Variants in SPATA21 observed in about 807,000 individuals in gnomAD.
The protein encoded by SPATA21 is spermatogenesis associated 21.
A neutral mutation model predicts 54.8 loss-of-function variants in SPATA21; 47 were observed. The ratio of observed to expected loss-of-function variants is 0.86; its 90% CI spans 0.68 to 1.09. The LOEUF (loss-of-function observed/expected upper bound fraction) is 1.09, where lower values mean the gene tolerates loss of function less well. SPATA21 is among the 50% of genes least tolerant of loss of function. The pLI is 0.00. For missense variants in SPATA21, 599 were observed against 596.4 expected (o/e 1.00, Z -0.05); for synonymous variants, 245 against 235.3 (o/e 1.04, Z -0.38).
At chr1:16,408,005 G>A (rs960391495) in intron 7 of SPATA21, among the ~76,000 whole-genome samples, 2 of 145,406 alleles carry the variant, frequency 1.4e-5, no homozygotes, top group East Asian at 2.3e-4. Context: ...GGCCTCAAGC[G>A]ATCCTCCTGC....
rs1570131987 is a variant in SPATA21 at position 16,410,022 on chromosome 1, T to C, written c.166A>G (p.Arg56Gly). The C allele has an allele frequency of 1.9e-6, 3 of 1,572,464 alleles. No homozygotes were observed. The highest frequency in any genetic ancestry group is 2.6e-6 in the Non-Finnish European group (3 of 1,162,326). The stretch of plus-strand genomic sequence containing the variant: ...TGCTGCGCACGGTCTGGCTCCCGCC[T>C]CTCTCCAATGTCCCTCACCTCCTGG... ...PPPEVRDIGE[R>G]REPDRAQQQP... The change falls in exon 6 of 13, where the codon AGG (arginine) becomes GGG (glycine). Residue 56 changes from arginine (R) to glycine (G), a missense_variant. Coordinates refer to ENST00000335496, the MANE Select transcript of SPATA21 (RefSeq NM_198546.1).
chr1:16,399,351 CT>C lies in SPATA21; in HGVS notation c.1344del (p.Gly449GlufsTer27). 1.9e-6 allele frequency: 3 copies of C among 1,611,722 alleles called. No homozygotes were observed. Among genetic ancestry groups the C allele is most frequent in the Non-Finnish European group, 2.5e-6 (3 of 1,178,704 alleles). Reference protein sequence around the residue: ...IRSPFFQSGSQGNREHNSDSR... With the variant: ...IRSPFFQSGSXGNREHNSDSR... ...CTTTCTCTGGGCACCCACCTGTTTCCTTGAGATCCTGACTGGAAGAAGGGGC... is the reference window on the plus strand; with the variant it reads ...CTTTCTCTGGGCACCCACCTGTTTCCTGAGATCCTGACTGGAAGAAGGGGC... On this transcript the variant is annotated frameshift_variant, in exon 12 of 13. Coordinates refer to ENST00000335496, the MANE Select transcript of SPATA21 (RefSeq NM_198546.1). LOFTEE classifies it high-confidence loss of function.
intron 3 of SPATA21, among the ~76,000 whole-genome samples, chr1:16,427,657 A>T (rs78249241): frequency 0.047 from 7,207 of 152,186 alleles, 254 homozygotes; most frequent in Non-Finnish European, 0.072. Context: ...GACACATAAA[A>T]GATGTTTGTG....
At chr1:16,433,565 T>C (rs1178420505) in intron 1 of SPATA21, among the ~76,000 whole-genome samples, 1 of 152,194 alleles carries the variant, frequency 6.6e-6, no homozygotes, top group Non-Finnish European at 1.5e-5. Flanking sequence ...CACCCCCTAT[T>C]GTCCACTGTC....
At chr1:16,414,178 G>A (rs1012263834) in intron 5 of SPATA21, among the ~76,000 whole-genome samples, 2 of 151,946 alleles carry the variant, frequency 1.3e-5, no homozygotes, top group Non-Finnish European at 2.9e-5. Context: ...TGATTCTCGT[G>A]CCTCAGCCTC....
chr1:16,417,547 T>C (rs2100846393), intron 5 of SPATA21, among the ~76,000 whole-genome samples: 1 of 151,748 alleles, frequency 6.6e-6, no homozygotes, highest in Non-Finnish European at 1.5e-5. Context: ...CAAGCGATTC[T>C]CTCTTGAATA....
Position 16,409,319 on chromosome 1 carries a change from C to T in SPATA21, c.588-116G>A. ...GGTCGTGGGGGAGGCTTTGGGGAGC[C>T]CGGAGAGATCAAGAATGGCAGGAAA... is the stretch of plus-strand genomic sequence containing the variant. On this transcript the variant is annotated intron_variant, in intron 6 of 12. Coordinates refer to ENST00000335496, the MANE Select transcript of SPATA21 (RefSeq NM_198546.1). This position sits in a 1 kb window ranked among gnomAD's most constrained non-coding sequence, Gnocchi z 4.1. 9.1e-7 allele frequency: 1 copy of T among 1,103,504 alleles called. No individual in the cohort carries two copies. The highest frequency in any genetic ancestry group is 1.3e-6 in the Non-Finnish European group (1 of 756,258). The allele number at this position is 1,103,504 out of a possible 1,614,324, so 68.4% of individuals were successfully genotyped here. A position where few individuals can be genotyped will look rare whatever the true frequency, so the allele number is the denominator to read the frequency against.
intron 3 of SPATA21, among the ~76,000 whole-genome samples, chr1:16,422,513 T>A (rs1166054533): frequency 6.6e-6 from 1 of 150,912 alleles, no homozygotes; most frequent in Non-Finnish European, 1.5e-5. Context: ...GTGTGTATTT[T>A]TTTTTTTTTT....
downstream of SPATA21, chr1:16,395,840 C>T (rs542912730): frequency 2.4e-4 from 37 of 153,968 alleles, no homozygotes; most frequent in Non-Finnish European, 4.6e-4. Context: ...CTGCAGCCGC[C>T]AGGACAGACG....
chr1:16,407,737 T>C (rs554115545), intron 7 of SPATA21, among the ~76,000 whole-genome samples: 4 of 150,764 alleles, frequency 2.7e-5, no homozygotes, highest in Admixed American at 1.3e-4. Context: ...GGATTACAGG[T>C]GTGAACCACT....
At chr1:16,414,040 G>A (rs952330940) in intron 5 of SPATA21, among the ~76,000 whole-genome samples, 5 of 151,570 alleles carry the variant, frequency 3.3e-5, no homozygotes, top group South Asian at 2.1e-4. Context: ...TATAGCAGTC[G>A]TCCTGATGAG....
At chr1:16,405,511 A>AAAAAAAAC (rs1557647477) in intron 7 of SPATA21, among the ~76,000 whole-genome samples, 1 of 147,368 alleles carries the variant, frequency 6.8e-6, no homozygotes, top group Non-Finnish European at 1.5e-5. Flanking sequence ...AAAAAAAAAA[A>AAAAAAAAC]AAAACTGGGC....
chr1:16,429,545 G>A (rs557622804), intron 3 of SPATA21, among the ~76,000 whole-genome samples: 10 of 152,112 alleles, frequency 6.6e-5, no homozygotes, highest in African/African-American at 2.4e-4. Flanking sequence ...TGCAATCTCC[G>A]CTCACCGCAA....
rs538270452 is a variant in SPATA21 at position 16,427,752 on chromosome 1, C to T, written c.34+3586G>A. The T allele has an allele frequency of 1.9e-4, 222 of 1,187,030 alleles. 1 individual carries two copies. In the African/African-American group the frequency reaches 2.8e-3, roughly 15 times the overall value. 73.5% of individuals were successfully genotyped at this position (1,187,030 alleles called of 1,614,324 possible). A position where few individuals can be genotyped will look rare whatever the true frequency, so the allele number is the denominator to read the frequency against. The stretch of plus-strand genomic sequence containing the variant: ...ATGAAAGAGAAGGACAAGGTGCTGT[C>T]GTGGGTGGAGCTGCCTTGGCCTGGG... On this transcript the variant is annotated intron_variant, in intron 3 of 12. Transcript: ENST00000335496.
rs981984718 is a variant in SPATA21 at position 16,408,570 on chromosome 1, G to A, written c.673+548C>T. The A allele has an allele frequency of 3.4e-5, 33 of 978,440 alleles. No individual in the cohort carries two copies. In the African/African-American group the frequency reaches 4.6e-4, roughly 14 times the overall value. 60.6% of individuals were successfully genotyped at this position (978,440 alleles called of 1,614,324 possible). A position where few individuals can be genotyped will look rare whatever the true frequency, so the allele number is the denominator to read the frequency against. ...TGGCACAGGGAGAGCGCTGGACTTC[G>A]AGTCAGAAGACCTAGCACGAGGCTG... On this transcript the variant is annotated intron_variant, in intron 7 of 12. Coordinates refer to ENST00000335496, the MANE Select transcript of SPATA21 (RefSeq NM_198546.1).
downstream of SPATA21, chr1:16,398,533 G>C: frequency 1.8e-6 from 1 of 549,982 alleles, no homozygotes; most frequent in South Asian, 2.0e-5. Flanking sequence ...GGCACCTGTA[G>C]CAGAAATCCC....
chr1:16,428,184 G>T lies in SPATA21; in HGVS notation c.34+3154C>A, dbSNP rs1570209213. 6.6e-6 allele frequency among the ~76,000 whole-genome samples: 1 copy of T among 152,150 alleles called. No individual in the cohort carries two copies. The highest frequency in any genetic ancestry group is 1.5e-5 in the Non-Finnish European group (1 of 68,034). ...GGGTGAGCAGGAGCTGAGAGGCAGG[G>T]ATGCAGGGCCCGGCCCTGCTGTTGC... On this transcript the variant is annotated intron_variant, in intron 3 of 12. Coordinates refer to ENST00000335496, the MANE Select transcript of SPATA21 (RefSeq NM_198546.1). The surrounding 1 kb of genome is among the most constrained non-coding windows in gnomAD (Gnocchi z 4.3).
chr1:16,428,132 T>C lies in SPATA21; in HGVS notation c.34+3206A>G. Reference sequence around the variant, plus strand: ...TGGCCTCAAGGACAGGGAGATCCTGTGCCTGATTGGGGAAGCTGTTGGAGA... The same window carrying C: ...TGGCCTCAAGGACAGGGAGATCCTGCGCCTGATTGGGGAAGCTGTTGGAGA... On this transcript the variant is annotated intron_variant, in intron 3 of 12. Transcript: ENST00000335496. This position sits in a 1 kb window ranked among gnomAD's most constrained non-coding sequence, Gnocchi z 4.3. 1.5e-6 allele frequency: 2 copies of C among 1,331,984 alleles called. No homozygotes were observed. Among genetic ancestry groups the C allele is most frequent in the South Asian group, 3.3e-5 (2 of 61,334 alleles). 82.5% of individuals were successfully genotyped at this position (1,331,984 alleles called of 1,614,324 possible).
intron 3 of SPATA21, 44 bp downstream of exon 3, chr1:16,431,294 C>T (rs752707232): frequency 6.2e-7 from 1 of 1,614,148 alleles, no homozygotes; most frequent in South Asian, 1.1e-5. Flanking sequence ...TTATGGTGAT[C>T]CTCAGGCCAG....
Sources: gnomAD v4.1 joint callset for allele counts (sites outside exome capture counted in the v4.1 genomes callset) on GRCh38, gnomAD v4.1.1 for gene constraint, Gnocchi (gnomAD v3.1) non-coding constraint, MANE v1.5 for transcripts, NCBI Gene and HGNC (gene_info 2026-07-23, HGNC 2026-07-21) for gene names.